Variants in WDR97 observed in about 807,000 individuals in gnomAD.
WDR97 encodes the protein WD repeat-containing protein 97.
WDR97 carries 111 observed loss-of-function variants against 65.4 expected under a neutral mutation model. The observed-to-expected ratio is 1.70, with a 90% CI of 1.45 to 1.99. WDR97 has a LOEUF of 1.99. WDR97 is among the 30% of genes most tolerant of loss of function. The pLI, the probability that WDR97 is intolerant of heterozygous loss-of-function variation, is 0.00. For missense variants in WDR97, 1,674 were observed against 865.0 expected, an observed-to-expected ratio of 1.94 and a Z score of -11.73; for synonymous variants, 802 against 397.7, an observed-to-expected ratio of 2.02 and a Z score of -12.10.
chr8:144,115,746 C>T lies in WDR97; in HGVS notation c.4483C>T (p.Arg1495Trp), dbSNP rs1346229858. 2 of 701,404 alleles carry T rather than the reference C, an allele frequency of 2.9e-6. No individual in the cohort carries two copies. Among genetic ancestry groups the T allele is most frequent in the South Asian group, 1.5e-5 (1 of 67,496 alleles). The allele number at this position is 701,404 out of a possible 1,614,324, so 43.4% of individuals were successfully genotyped here. Residue 1495 changes from arginine to tryptophan, a missense_variant, in exon 22 of 24, where the codon CGG becomes TGG. Transcript: ENST00000323662. ...DALNFFCEQL[R>W]AQQRSSLQEK... ...GCTCAACTTCTTCTGTGAGCAGCTG[C>T]GGGCGCAGCAGCGGAGTTCGCTCCA...
chr8:144,109,716 C>T lies in WDR97; in HGVS notation c.1382C>T (p.Ala461Val). 1.5e-6 allele frequency: 1 copy of T among 677,494 alleles called. No homozygotes were observed. Among genetic ancestry groups the T allele is most frequent in the Non-Finnish European group, 2.7e-6 (1 of 374,680 alleles). The allele number at this position is 677,494 out of a possible 1,614,324, so 42.0% of individuals were successfully genotyped here. A position where few individuals can be genotyped will look rare whatever the true frequency, so the allele number is the denominator to read the frequency against. Residue 461 changes from alanine (A) to valine (V), a missense_variant, in exon 5 of 24, where the codon GCC becomes GTC. By Grantham distance (64) the Ala-to-Val change is moderately conservative. Coordinates refer to ENST00000323662, the MANE Select transcript of WDR97 (RefSeq NM_001316309.2). ...GGCTCGGTCTACCTCCTGTCGGCGG[C>T]CACCGGGCGCATAGTGAGCTCACTG... Reference protein sequence around the residue: ...ADGSVYLLSAATGRIVSSLLL... With the variant: ...ADGSVYLLSAVTGRIVSSLLL...
intron 15 of WDR97, chr8:144,113,234 AC>A: frequency 5.1e-6 from 3 of 589,530 alleles, no homozygotes. Flanking sequence ...GCTGATGCTC[AC>A]TGAGGGCCTC....
In WDR97 at chr8:144,113,657, C is replaced by G. The variant is rs1429431656; in HGVS notation, c.3184C>G (p.Pro1062Ala). 2 of 654,724 alleles carry G rather than the reference C, an allele frequency of 3.1e-6. No homozygotes were observed. The highest frequency in any genetic ancestry group is 4.4e-5 in the Admixed American group (2 of 45,556). The allele number at this position is 654,724 out of a possible 1,614,324, so 40.6% of individuals were successfully genotyped here. The change falls in exon 17 of 24, where the codon CCA becomes GCA. Residue 1062 changes from proline (P) to alanine (A), a missense_variant and splice_region_variant. Physicochemically the swap from Pro to Ala is conservative, Grantham distance 27. Transcript: ENST00000323662. ...VLQQMWLNAE[P>A]GASQDALWLW... The stretch of plus-strand genomic sequence containing the variant: ...GGCACCATCTCTTGCCCCTCTGCAG[C>G]CAGGGGCAAGCCAGGATGCCCTGTG...
chr8:144,108,571 TG>T lies in WDR97; in HGVS notation c.509del (p.Gly170AlafsTer8), dbSNP rs1836466518. 5.7e-6 allele frequency: 4 copies of T among 700,836 alleles called. No individual in the cohort carries two copies. The highest frequency in any genetic ancestry group is 1.0e-5 in the Non-Finnish European group (4 of 384,460). 43.4% of individuals were successfully genotyped at this position (700,836 alleles called of 1,614,324 possible). ...PLGAVGRFVG[W>X]GPAGLAILRP... is the part of the protein sequence containing the mutation. ...GGGTGCCGTGGGCCGTTTTGTAGGC[TG>T]GGGCCCCGCGGGGCTGGCAATTCTG... On this transcript the variant is annotated frameshift_variant, in exon 3 of 24. Transcript: ENST00000323662. LOFTEE classifies it high-confidence loss of function.
chr8:144,114,571 G>A lies in WDR97; in HGVS notation c.3810G>A (p.Lys1270=). The change falls in exon 20 of 24, where the codon AAG becomes AAA. Residue 1270 remains lysine (K), a synonymous_variant. Transcript: ENST00000323662. Reference sequence around the variant, plus strand: ...TGCCTCAGGACCAGACACAGAAGAAGTTCGTGATACTGGCGCTGCAGCTGC... The same window carrying A: ...TGCCTCAGGACCAGACACAGAAGAAATTCGTGATACTGGCGCTGCAGCTGC... ...PPSLQDQTQK[K]FVILALQLLL... The A allele has an allele frequency of 2.8e-6, 2 of 702,874 alleles. No homozygotes were observed. The highest frequency in any genetic ancestry group is 5.2e-6 in the Non-Finnish European group (2 of 384,998). The allele number at this position is 702,874 out of a possible 1,614,324, so 43.5% of individuals were successfully genotyped here.
At chr8:144,111,329 C>G (rs941478999) in intron 10 of WDR97, 97 bp from the exon 11 acceptor site, 2 of 702,654 alleles carry the variant, frequency 2.8e-6, no homozygotes, top group Non-Finnish European at 5.2e-6. Flanking sequence ...TGCCTGAGCC[C>G]TGGCACACCC....
chr8:144,107,754 G>T lies in WDR97; in HGVS notation c.4G>T (p.Glu2Ter). 1.4e-6 allele frequency: 1 copy of T among 702,866 alleles called. No individual in the cohort carries two copies. The highest frequency in any genetic ancestry group is 2.6e-6 in the Non-Finnish European group (1 of 384,990). The allele number at this position is 702,866 out of a possible 1,614,324, so 43.5% of individuals were successfully genotyped here. ...CTCTGGGACCGCAGTTGCTGAAATG[G>T]AGGCAGAGGTGTGGGAGGCAGAAGG... M[E>*]AEVWEAEGYN... is the part of the protein sequence containing the mutation. Residue 2 changes from glutamate to a stop codon, truncating the protein, a stop_gained, in exon 1 of 24, where the codon GAG (glutamate) becomes TAG (stop). Coordinates refer to ENST00000323662, the MANE Select transcript of WDR97 (RefSeq NM_001316309.2). LOFTEE classifies it high-confidence loss of function.
At position 144,108,181 on chromosome 8, in the gene WDR97, G is replaced by A. The variant is rs1274242498; in HGVS notation, c.235G>A (p.Glu79Lys). 1 of 701,696 alleles carries A rather than the reference G, an allele frequency of 1.4e-6. No individual in the cohort carries two copies. Among genetic ancestry groups the A allele is most frequent in the South Asian group, 1.5e-5 (1 of 67,508 alleles). The allele number at this position is 701,696 out of a possible 1,614,324, so 43.5% of individuals were successfully genotyped here. A position where few individuals can be genotyped will look rare whatever the true frequency, so the allele number is the denominator to read the frequency against. Residue 79 changes from glutamate (E) to lysine (K), a missense_variant, in exon 2 of 24, where the codon GAA (glutamate) becomes AAA (lysine). By Grantham distance (56) the Glu-to-Lys change is moderately conservative. Coordinates refer to ENST00000323662, the MANE Select transcript of WDR97 (RefSeq NM_001316309.2). ...GCTGCTTCTGCGCACCAGCCTCCACGAAGTCGTGGAAAAGGTGCGGTGTGC... is the reference window on the plus strand; with the variant it reads ...GCTGCTTCTGCGCACCAGCCTCCACAAAGTCGTGGAAAAGGTGCGGTGTGC... ...LWLLLRTSLH[E>K]VVEKEKRAEL...
At chr8:144,115,240 C>T (rs1836627087) in intron 21 of WDR97, 101 bp from the exon 22 acceptor site, 1 of 575,710 alleles carries the variant, frequency 1.7e-6, no homozygotes, top group Non-Finnish European at 3.1e-6. Context: ...CCATGGGTCA[C>T]CTCCTGACAG....
At position 144,118,124 on chromosome 8, in the gene WDR97, C is replaced by G. The variant is rs1451469163; in HGVS notation, c.*1831C>G. The G allele has an allele frequency of 6.6e-6, 1 of 152,204 alleles. No homozygotes were observed. Among genetic ancestry groups the G allele is most frequent in the South Asian group, 2.1e-4 (1 of 4,820 alleles). The allele number at this position is 152,204 out of a possible 1,614,324, so 9.4% of individuals were successfully genotyped here. A position where few individuals can be genotyped will look rare whatever the true frequency, so the allele number is the denominator to read the frequency against. Reference sequence around the variant, plus strand: ...AATGACAGATATCATAATATCACACCCACACATCAGGCAAGAGACTTGTTC... The same window carrying G: ...AATGACAGATATCATAATATCACACGCACACATCAGGCAAGAGACTTGTTC... On this transcript the variant is annotated 3_prime_UTR_variant, in exon 24 of 24. Transcript: ENST00000323662.
rs1221772607 is a variant in WDR97 at position 144,111,891 on chromosome 8, T to TA, written c.2642_2643insA (p.Met881IlefsTer38). 3.0e-6 allele frequency: 2 copies of TA among 677,228 alleles called. No homozygotes were observed. Among genetic ancestry groups the TA allele is most frequent in the East Asian group, 5.6e-5 (2 of 35,520 alleles). The allele number at this position is 677,228 out of a possible 1,614,324, so 42.0% of individuals were successfully genotyped here. On this transcript the variant is annotated frameshift_variant, in exon 13 of 24. Coordinates refer to ENST00000323662, the MANE Select transcript of WDR97 (RefSeq NM_001316309.2). LOFTEE classifies it high-confidence loss of function. ...TCTGCTCCTGCTACCTCCCAGGGCA[T>TA]GCAGTCTGGAAGGGGGTCCCAGCAG...
chr8:144,113,945 G>C, intron 17 of WDR97, 32 bp from the exon 18 acceptor site: 1 of 697,170 alleles, frequency 1.4e-6, no homozygotes, highest in Non-Finnish European at 2.6e-6. Flanking sequence ...GACCCAGACA[G>C]GTGGGACCTG....
At position 144,108,123 on chromosome 8, in the gene WDR97, C is replaced by T. The variant is rs532142120; in HGVS notation, c.177C>T (p.Ser59=). 196 of 702,730 alleles carry T rather than the reference C, an allele frequency of 2.8e-4. 5 individuals are homozygous for T. The South Asian group carries it at 2.8e-3, about 10-fold the overall frequency. 43.5% of individuals were successfully genotyped at this position (702,730 alleles called of 1,614,324 possible). The part of the protein sequence containing the change: ...PFLTSSQQWQ[S]LTPRARARRL... ...TGACCAGCAGCCAACAGTGGCAAAG[C>T]CTGACCCCGCGCGCCCGCGCCCGCC... The change falls in exon 2 of 24, where the codon AGC becomes AGT. Residue 59 remains serine, a synonymous_variant. Transcript: ENST00000323662.
rs779389470 is a variant in WDR97 at position 144,109,630 on chromosome 8, C to T, written c.1296C>T (p.Pro432=). 5 of 679,170 alleles carry T rather than the reference C, an allele frequency of 7.4e-6. No homozygotes were observed. The highest frequency in any genetic ancestry group is 2.8e-5 in the East Asian group (1 of 35,644). 42.1% of individuals were successfully genotyped at this position (679,170 alleles called of 1,614,324 possible). A position where few individuals can be genotyped will look rare whatever the true frequency, so the allele number is the denominator to read the frequency against. ...PAKVLHVQVA[P]ALPAPAHQSL... ...AGGTGCTCCACGTGCAGGTGGCGCC[C>T]GCGTTGCCCGCGCCTGCGCACCAGT... is the stretch of plus-strand genomic sequence containing the variant. The change falls in exon 5 of 24, where the codon CCC becomes CCT. Residue 432 remains proline (P), a synonymous_variant. Coordinates refer to ENST00000323662, the MANE Select transcript of WDR97 (RefSeq NM_001316309.2).
chr8:144,115,643 G>A lies in WDR97; in HGVS notation c.4380G>A (p.Gln1460=). The change falls in exon 22 of 24, where the codon CAG becomes CAA. Residue 1460 remains glutamine, a synonymous_variant. Coordinates refer to ENST00000323662, the MANE Select transcript of WDR97 (RefSeq NM_001316309.2). ...EARLHPAGPA[Q]LPGEPPPLEE... ...GCCTGCACCCTGCCGGGCCTGCTCA[G>A]CTGCCCGGAGAGCCGCCGCCGCTGG... The A allele has an allele frequency of 1.4e-6, 1 of 691,956 alleles. No individual in the cohort carries two copies. 42.9% of individuals were successfully genotyped at this position (691,956 alleles called of 1,614,324 possible).
chr8:144,108,827 T>C lies in WDR97; in HGVS notation c.761T>C (p.Val254Ala). The C allele has an allele frequency of 2.8e-6, 2 of 702,814 alleles. No individual in the cohort carries two copies. The highest frequency in any genetic ancestry group is 2.3e-4 in the Middle Eastern group (1 of 4,370). 43.5% of individuals were successfully genotyped at this position (702,814 alleles called of 1,614,324 possible). A position where few individuals can be genotyped will look rare whatever the true frequency, so the allele number is the denominator to read the frequency against. ...ACAGGCAGGCTCATGCGTCTGGCTG[T>C]GGCGCCGGTTCCTCCCCACCACGTC... ...SPTGRLMRLA[V>A]APVPPHHVLR... The change falls in exon 3 of 24, where the codon GTG becomes GCG. Residue 254 changes from valine to alanine, a missense_variant. Coordinates refer to ENST00000323662, the MANE Select transcript of WDR97 (RefSeq NM_001316309.2).
In WDR97 at chr8:144,118,239, C is replaced by T. The variant is rs897600953; in HGVS notation, c.*1946C>T. On this transcript the variant is annotated 3_prime_UTR_variant, in exon 24 of 24. Transcript: ENST00000323662. ...GCTGAGGCAGGAGAATCACTTGAAC[C>T]CAGGAGGTGGAGGTTGCAGCAAGCA... 4.6e-5 allele frequency: 7 copies of T among 151,360 alleles called. No homozygotes were observed. The highest frequency in any genetic ancestry group is 1.7e-4 in the African/African-American group (7 of 41,078). 9.4% of individuals were successfully genotyped at this position (151,360 alleles called of 1,614,324 possible).
Position 144,112,159 on chromosome 8 carries a change from C to G in WDR97, c.2895+15C>G. 1.4e-6 allele frequency: 1 copy of G among 701,288 alleles called. No individual in the cohort carries two copies. The allele number at this position is 701,288 out of a possible 1,614,324, so 43.4% of individuals were successfully genotyped here. A position where few individuals can be genotyped will look rare whatever the true frequency, so the allele number is the denominator to read the frequency against. ...AGGCATCCCAGGTGAGGCTTCCCAC[C>G]CTCCCACATGCCTGCTGGGCCCCCA... is the stretch of plus-strand genomic sequence containing the variant. On this transcript the variant is annotated intron_variant, in intron 13 of 23. Transcript: ENST00000323662.
rs1243537595 is a variant in WDR97, at chr8:144,110,207, G to A, written c.1794G>A (p.Pro598=). Residue 598 remains proline, a synonymous_variant, in exon 6 of 24, where the codon CCG becomes CCA. Coordinates refer to ENST00000323662, the MANE Select transcript of WDR97 (RefSeq NM_001316309.2). ...KTVFQTEAHS[P]GPVVAIASTW... ...TCTTCCAAACGGAGGCGCACAGCCC[G>A]GGCCCGGTTGTCGCCATCGCATCCA... 11 of 702,946 alleles carry A rather than the reference G, an allele frequency of 1.6e-5. No homozygotes were observed. The highest frequency in any genetic ancestry group is 4.6e-4 in the Middle Eastern group (2 of 4,370). 43.5% of individuals were successfully genotyped at this position (702,946 alleles called of 1,614,324 possible). A position where few individuals can be genotyped will look rare whatever the true frequency, so the allele number is the denominator to read the frequency against.
Sources: gnomAD v4.1 joint callset for allele counts on GRCh38, gnomAD v4.1.1 for gene constraint, MANE v1.5 for transcripts, NCBI Gene and HGNC (gene_info 2026-07-23, HGNC 2026-07-21) for gene names.